PCDHA1: variants seen among roughly 807,000 people sequenced by gnomAD.
PCDHA1 encodes protocadherin alpha-1.
PCDHA1 carries 42 observed loss-of-function variants against 61.3 expected under a neutral mutation model. That is an observed-to-expected ratio of 0.69 (90% CI 0.54 to 0.89). PCDHA1 has a LOEUF of 0.89. Ranked by LOEUF, PCDHA1 falls within the 40% of genes least tolerant of loss-of-function variation. The probability of loss-of-function intolerance (pLI) is 0.00; values close to 1 mark genes in which losing one functional copy is unlikely to be tolerated. For missense variants in PCDHA1, 1,256 were observed against 1,235.3 expected (o/e 1.02, Z -0.25); for synonymous variants, 610 against 553.8 (o/e 1.10, Z -1.43).
rs141570762 is a variant in PCDHA1 at position 140,830,083 on chromosome 5, G to C, written c.2394+41399G>C. ...AGCCGGCGCTGACAGCGACGGCCAC[G>C]GTTCTGGTGTCGCTGGTGGAGAGTG... is the stretch of plus-strand genomic sequence containing the variant. On this transcript the variant is annotated intron_variant, in intron 1 of 3. Transcript: ENST00000504120. 690 of 1,613,696 alleles carry C rather than the reference G, an allele frequency of 4.3e-4. 3 individuals are homozygous for C. In the African/African-American group the frequency reaches 8.5e-3, roughly 20 times the overall value.
At chr5:140,959,800 G>A (rs193288186) in intron 1 of PCDHA1, among the ~76,000 whole-genome samples, 1 of 152,080 alleles carries the variant, frequency 6.6e-6, no homozygotes, top group Admixed American at 6.5e-5. Context: ...CTAATTTAGA[G>A]GATTTATATT....
Position 141,010,878 on chromosome 5 carries a change from A to C in PCDHA1, c.*941A>C, listed in dbSNP as rs2098418656. 1.3e-5 allele frequency: 2 copies of C among 153,770 alleles called. No homozygotes were observed. Among genetic ancestry groups the C allele is most frequent in the South Asian group, 4.1e-4 (2 of 4,830 alleles). The allele number at this position is 153,770 out of a possible 1,614,324, so 9.5% of individuals were successfully genotyped here. ...GAAAGTCTATAGCTATAAATCTTTA[A>C]AGAGAAATATGAATACAATTCCCCT... On this transcript the variant is annotated 3_prime_UTR_variant, in exon 4 of 4. Transcript: ENST00000504120.
At chr5:140,967,547 A>G (rs1554229662) in intron 1 of PCDHA1, 1 of 1,613,890 alleles carries the variant, frequency 6.2e-7, no homozygotes, top group Non-Finnish European at 8.5e-7. Context: ...TGACCAGTCC[A>G]CTTATCGCGT....
Position 140,788,635 on chromosome 5 carries a change from C to T in PCDHA1, c.2345C>T (p.Thr782Met), listed in dbSNP as rs146361099. The T allele has an allele frequency of 6.2e-7, 1 of 1,603,896 alleles. No homozygotes were observed. The highest frequency in any genetic ancestry group is 8.5e-7 in the Non-Finnish European group (1 of 1,174,750). The change falls in exon 1 of 4, where the codon ACG becomes ATG. Residue 782 changes from threonine (T) to methionine (M), a missense_variant. By Grantham distance (81) the Thr-to-Met change is moderately conservative. Coordinates refer to ENST00000504120, the MANE Select transcript of PCDHA1 (RefSeq NM_018900.4). ...FSPGLSPSLNTSERNEQPEAN... is the reference protein window; with the variant it reads ...FSPGLSPSLNMSERNEQPEAN... ...CCAGGCCTATCTCCAAGTCTTAACA[C>T]GTCAGAAAGAAATGAACAACCAGAA...
At chr5:140,858,190 G>T in intron 1 of PCDHA1, 1 of 1,597,502 alleles carries the variant, frequency 6.3e-7, no homozygotes, top group Admixed American at 1.7e-5. Context: ...TCACGCTGCT[G>T]CTGTACACTG....
chr5:140,786,354 G>A lies in PCDHA1; in HGVS notation c.64G>A (p.Ala22Thr). 6.2e-7 allele frequency: 1 copy of A among 1,613,752 alleles called. No individual in the cohort carries two copies. The highest frequency in any genetic ancestry group is 2.2e-5 in the East Asian group (1 of 44,904). Residue 22 changes from alanine (A) to threonine (T), a missense_variant, in exon 1 of 4, where the codon GCA becomes ACA. Ala to Thr is a moderately conservative substitution (Grantham distance 58). Coordinates refer to ENST00000504120, the MANE Select transcript of PCDHA1 (RefSeq NM_018900.4). ...RDLLLWLLLL[A>T]AWEVGSGQLH... is the part of the protein sequence containing the mutation. Reference sequence around the variant, plus strand: ...TCTGCTTCTTTGGCTTCTGCTCCTCGCAGCCTGGGAGGTGGGGAGCGGCCA... The same window carrying A: ...TCTGCTTCTTTGGCTTCTGCTCCTCACAGCCTGGGAGGTGGGGAGCGGCCA...
At chr5:140,873,283 A>G (rs1554166657) in intron 1 of PCDHA1, among the ~76,000 whole-genome samples, 1 of 152,258 alleles carries the variant, frequency 6.6e-6, no homozygotes, top group Non-Finnish European at 1.5e-5. Flanking sequence ...CATACCACTT[A>G]TGAAACTTTA....
chr5:140,952,566 G>A (rs1198943972), intron 1 of PCDHA1, among the ~76,000 whole-genome samples: 1 of 151,938 alleles, frequency 6.6e-6, no homozygotes, highest in African/African-American at 2.4e-5. Flanking sequence ...TCAGCACTTC[G>A]GTCCCAATCA....
At chr5:140,973,007 G>T (rs2096567856) in intron 1 of PCDHA1, among the ~76,000 whole-genome samples, 1 of 152,160 alleles carries the variant, frequency 6.6e-6, no homozygotes, top group Non-Finnish European at 1.5e-5. Context: ...TGTGGTCGTG[G>T]TGTTGTGATT....
chr5:140,966,454 C>A (rs897696652), intron 1 of PCDHA1: 2 of 426,524 alleles, frequency 4.7e-6, no homozygotes, highest in Non-Finnish European at 8.1e-6. Flanking sequence ...TCCCCCTCCC[C>A]CTCTGTCTTC....
intron 1 of PCDHA1, chr5:140,807,462 G>T: frequency 6.2e-7 from 1 of 1,608,784 alleles, no homozygotes; most frequent in Non-Finnish European, 8.5e-7. Context: ...CGGATCGACC[G>T]GGAGGAGCTG....
At chr5:140,830,506 AAC>A in intron 1 of PCDHA1, 2 of 1,430,724 alleles carry the variant, frequency 1.4e-6, no homozygotes, top group Non-Finnish European at 1.9e-6. Flanking sequence ...TTTCATAATT[AAC>A]AGTTAATTTT....
intron 1 of PCDHA1, chr5:140,858,122 G>A (rs2045205238): frequency 1.3e-6 from 2 of 1,597,922 alleles, no homozygotes; most frequent in Non-Finnish European, 1.7e-6. Flanking sequence ...GGTGGCCCTG[G>A]TGGATGTCAA....
intron 1 of PCDHA1, chr5:140,830,193 T>G: frequency 6.2e-7 from 1 of 1,613,664 alleles, no homozygotes; most frequent in Non-Finnish European, 8.5e-7. Flanking sequence ...GTGTACCTGA[T>G]CATCGCCATC....
intron 1 of PCDHA1, among the ~76,000 whole-genome samples, chr5:140,915,168 C>T (rs181934284): frequency 6.0e-4 from 92 of 152,112 alleles, no homozygotes; most frequent in Middle Eastern, 3.4e-3. Context: ...AGGATAGTCT[C>T]GATCTCTTGA....
chr5:140,988,247 TC>T (rs2097289620), intron 3 of PCDHA1, among the ~76,000 whole-genome samples: 1 of 152,148 alleles, frequency 6.6e-6, no homozygotes, highest in Admixed American at 6.5e-5. Context: ...GTGGGGCAGC[TC>T]CCGCCTGTGA....
At chr5:140,984,228 G>A (rs374551349) in intron 3 of PCDHA1, among the ~76,000 whole-genome samples, 180 of 152,262 alleles carry the variant, frequency 1.2e-3, no homozygotes, top group African/African-American at 4.0e-3. Context: ...TTGCTCTTAT[G>A]GAGGCATTGT....
intron 1 of PCDHA1, among the ~76,000 whole-genome samples, chr5:140,789,276 C>A (rs931356702): frequency 3.9e-5 from 6 of 152,198 alleles, no homozygotes; most frequent in Admixed American, 2.0e-4. Context: ...ATGGTGAAAC[C>A]CCGTCTCAAC....
intron 1 of PCDHA1, chr5:140,796,326 G>C (rs540494529): frequency 6.8e-6 from 11 of 1,608,872 alleles, no homozygotes; most frequent in Non-Finnish European, 8.5e-6. Context: ...ACGCGCCGGC[G>C]TTCGCACAGC....
Sources: gnomAD v4.1 joint callset for allele counts (sites outside exome capture counted in the v4.1 genomes callset) on GRCh38, gnomAD v4.1.1 for gene constraint, MANE v1.5 for transcripts, NCBI Gene and HGNC (gene_info 2026-07-23, HGNC 2026-07-21) for gene names.